AGBL1: variants seen among roughly 807,000 people sequenced by gnomAD.
AGBL1 encodes the protein cytosolic carboxypeptidase 4.
A neutral mutation model predicts 118.9 loss-of-function variants in AGBL1; 130 were observed. That is an observed-to-expected ratio of 1.09 (90% CI 0.95 to 1.26). The LOEUF (loss-of-function observed/expected upper bound fraction) is 1.26. Among genes scored for constraint, AGBL1 ranks in the 50% most tolerant of loss-of-function variants. AGBL1 has a pLI of 0.00. For synonymous variants in AGBL1, 555 were observed against 478.9 expected, an observed-to-expected ratio of 1.16 and a Z score of -2.08; for missense variants, 1,584 against 1,298.1, an observed-to-expected ratio of 1.22 and a Z score of -3.38.
intron 23 of AGBL1, among the ~76,000 whole-genome samples, chr15:86,933,596 A>C (rs1009722518): frequency 6.6e-5 from 10 of 152,150 alleles, no homozygotes; most frequent in Admixed American, 6.5e-4. Flanking sequence ...GCAATACCAC[A>C]GTCTCAGGGA....
chr15:86,246,630 G>A (rs77770020), intron 6 of AGBL1, among the ~76,000 whole-genome samples: 3 of 152,142 alleles, frequency 2.0e-5, no homozygotes, highest in Non-Finnish European at 4.4e-5. Context: ...AAACAACCAC[G>A]TGGGAAGGGC....
At chr15:86,417,451 T>A (rs1229563621) in intron 18 of AGBL1, among the ~76,000 whole-genome samples, 1 of 152,244 alleles carries the variant, frequency 6.6e-6, no homozygotes, top group East Asian at 1.9e-4. Flanking sequence ...ATGCAATAAA[T>A]GTTCATTGAA....
intron 22 of AGBL1, among the ~76,000 whole-genome samples, chr15:86,888,729 CAT>C (rs145331788): frequency 0.013 from 1,977 of 152,242 alleles, 41 homozygotes; most frequent in African/African-American, 0.043. Context: ...TGCTTTAAAA[CAT>C]AGCATTCATG....
intron 23 of AGBL1, among the ~76,000 whole-genome samples, chr15:86,970,697 A>G (rs1029276129): frequency 3.9e-5 from 6 of 151,958 alleles, no homozygotes; most frequent in African/African-American, 1.4e-4. Context: ...TTACAAAGCA[A>G]TTTACAAAAT....
intron 23 of AGBL1, among the ~76,000 whole-genome samples, chr15:86,960,599 G>A (rs1285545505): frequency 6.6e-6 from 1 of 152,048 alleles, no homozygotes; most frequent in Admixed American, 6.6e-5. Flanking sequence ...AAATCATCCA[G>A]AAATCCTAAT....
At chr15:86,293,654 T>A (rs1389892629) in intron 16 of AGBL1, among the ~76,000 whole-genome samples, 1 of 152,194 alleles carries the variant, frequency 6.6e-6, no homozygotes, top group Non-Finnish European at 1.5e-5. Flanking sequence ...AACGTGAACA[T>A]CTTTGGGGGC....
chr15:86,446,213 T>C (rs1040374111), intron 18 of AGBL1, among the ~76,000 whole-genome samples: 1 of 152,214 alleles, frequency 6.6e-6, no homozygotes, highest in Non-Finnish European at 1.5e-5. Flanking sequence ...CTTCCCTTTA[T>C]GTTTTCATGT....
At chr15:86,433,913 G>T (rs1219685626) in intron 18 of AGBL1, among the ~76,000 whole-genome samples, 1 of 152,170 alleles carries the variant, frequency 6.6e-6, no homozygotes, top group Non-Finnish European at 1.5e-5. Context: ...AAGAGACAGT[G>T]ATTTACAGAA....
At chr15:86,098,629 G>A (rs981752052) in intron 1 of AGBL1, among the ~76,000 whole-genome samples, 2 of 152,116 alleles carry the variant, frequency 1.3e-5, no homozygotes, top group African/African-American at 4.8e-5. Flanking sequence ...CTGCAAATAT[G>A]TGGATTTATT....
chr15:86,365,016 C>CATAT lies in AGBL1; in HGVS notation c.2375-32342_2375-32339dup, dbSNP rs1225936471. Among the ~76,000 whole-genome samples the CATAT allele has an allele frequency of 7.4e-5, 9 of 121,988 alleles. 1 individual carries two copies. Among genetic ancestry groups the CATAT allele is most frequent in the African/African-American group, 9.4e-5 (3 of 31,760 alleles). The allele number at this position is 121,988 out of a possible 152,430, so 80.0% of individuals were successfully genotyped here. On this transcript the variant is annotated intron_variant, in intron 17 of 22. Coordinates refer to ENST00000614907, the MANE Select transcript of AGBL1 (RefSeq NM_001386094.1). ...ACACACACATATATATATACACACA[C>CATAT]ATATATATATACACACACATATATA...
chr15:87,017,526 C>T (rs1221539816), intron 24 of AGBL1, among the ~76,000 whole-genome samples: 1 of 152,138 alleles, frequency 6.6e-6, no homozygotes, highest in East Asian at 1.9e-4. Flanking sequence ...TAGTGGACCC[C>T]TAGAAAATGG....
chr15:86,606,555 A>C (rs2437803), intron 21 of AGBL1, among the ~76,000 whole-genome samples: 77,007 of 151,954 alleles, frequency 0.51, 19,679 homozygotes, highest in East Asian at 0.73. Flanking sequence ...CTTGTTAAGA[A>C]TAAAGTGAGA....
intron 22 of AGBL1, among the ~76,000 whole-genome samples, chr15:86,766,423 C>A (rs1167200381): frequency 6.6e-6 from 1 of 151,930 alleles, no homozygotes; most frequent in East Asian, 1.9e-4. Context: ...TTTTGTAGGT[C>A]TAACCCTATG....
At chr15:86,876,573 T>A (rs1350654815) in intron 22 of AGBL1, among the ~76,000 whole-genome samples, 1 of 152,170 alleles carries the variant, frequency 6.6e-6, no homozygotes, top group Non-Finnish European at 1.5e-5. Context: ...CCAGCCTGAT[T>A]ATGGTTTTCT....
intron 5 of AGBL1, among the ~76,000 whole-genome samples, chr15:86,160,980 C>G (rs1189797043): frequency 6.6e-6 from 1 of 152,160 alleles, no homozygotes; most frequent in Non-Finnish European, 1.5e-5. Flanking sequence ...AAACCTCTTC[C>G]TCAGAGACTC....
At chr15:86,331,340 G>C (rs1275882752) in intron 17 of AGBL1, among the ~76,000 whole-genome samples, 3 of 151,776 alleles carry the variant, frequency 2.0e-5, no homozygotes, top group Non-Finnish European at 2.9e-5. Context: ...TCTCTCCTGA[G>C]AGAGAAGAAG....
chr15:86,845,902 G>A (rs1390836304), intron 22 of AGBL1, among the ~76,000 whole-genome samples: 2 of 152,036 alleles, frequency 1.3e-5, no homozygotes, highest in Non-Finnish European at 2.9e-5. Flanking sequence ...TGCTAAATAT[G>A]TATGACTCTA....
chr15:86,750,201 A>AT (rs1254015106), intron 22 of AGBL1, among the ~76,000 whole-genome samples: 3 of 152,068 alleles, frequency 2.0e-5, no homozygotes, highest in African/African-American at 7.2e-5. Flanking sequence ...ATATGTAATT[A>AT]TTATTAATAC....
intron 17 of AGBL1, among the ~76,000 whole-genome samples, chr15:86,343,742 C>T (rs1419369676): frequency 6.6e-6 from 1 of 152,132 alleles, no homozygotes; most frequent in Non-Finnish European, 1.5e-5. Context: ...TTTCCAGTGC[C>T]TGTGGGTTCT....
Sources: gnomAD v4.1 joint callset for allele counts (sites outside exome capture counted in the v4.1 genomes callset) on GRCh38, gnomAD v4.1.1 for gene constraint, MANE v1.5 for transcripts, NCBI Gene and HGNC (gene_info 2026-07-23, HGNC 2026-07-21) for gene names.